Variants in LRRK1 observed in about 807,000 individuals in gnomAD.
The protein encoded by LRRK1 is leucine rich repeat kinase 1, also known as leucine-rich repeat serine/threonine-protein kinase 1.
LRRK1 carries 113 observed loss-of-function variants against 209.1 expected under a neutral mutation model. The observed-to-expected ratio is 0.54, with a 90% confidence interval of 0.46 to 0.63. The LOEUF is 0.63. LRRK1 is among the 30% of genes least tolerant of loss of function. The pLI, the probability that LRRK1 is intolerant of heterozygous loss-of-function variation, is 0.00. For synonymous variants in LRRK1, 1,144 were observed against 1,099.7 expected (o/e 1.04, Z -0.80); for missense variants, 2,284 against 2,632.2 (o/e 0.87, Z 2.89).
chr15:101,029,261 G>A, intron 20 of LRRK1, 29 bp downstream of exon 20: 1 of 1,582,622 alleles, frequency 6.3e-7, no homozygotes, highest in Non-Finnish European at 8.6e-7. Flanking sequence ...ACGCCAGGCT[G>A]TGCAGGTTGC....
At position 101,065,960 on chromosome 15, in the gene LRRK1, GTCCTCCTAC is replaced by G. The variant is rs751324328; in HGVS notation, c.5529_5537del (p.Tyr1844_Ser1846del). On this transcript the variant is annotated inframe_deletion, in exon 32 of 34. Transcript: ENST00000388948. The stretch of plus-strand genomic sequence containing the variant: ...AATCACTCACTGACTACTGCTCCAT[GTCCTCCTAC>G]TCCTCATCCCCACCCCGCCAGGCTG... 6.2e-7 allele frequency: 1 copy of G among 1,614,026 alleles called. No individual in the cohort carries two copies. Among genetic ancestry groups the G allele is most frequent in the African/African-American group, 1.3e-5 (1 of 74,936 alleles).
At position 101,048,546 on chromosome 15, in the gene LRRK1, A is replaced by C; in HGVS notation, c.3188A>C (p.Tyr1063Ser). 1 of 1,596,484 alleles carries C rather than the reference A, an allele frequency of 6.3e-7. No individual in the cohort carries two copies. Among genetic ancestry groups the C allele is most frequent in the Non-Finnish European group, 8.5e-7 (1 of 1,174,796 alleles). The change falls in exon 22 of 34, where the codon TAC (tyrosine) becomes TCC (serine). Residue 1063 changes from tyrosine to serine, a missense_variant. By Grantham distance (144) the Tyr-to-Ser change is moderately radical (BLOSUM62 -2). Coordinates refer to ENST00000388948, the MANE Select transcript of LRRK1 (RefSeq NM_024652.6). ...TKSRNRKVTI[Y>S]SFTGNQRNRC... ...AGCAGGAACAGGAAAGTCACCATTT[A>C]CAGTTTTACAGGAAACCAGAGAAAT...
Position 101,027,867 on chromosome 15 carries a change from C to A in LRRK1, c.2686+70C>A. The A allele has an allele frequency of 7.1e-7, 1 of 1,415,900 alleles. No homozygotes were observed. 87.7% of individuals were successfully genotyped at this position (1,415,900 alleles called of 1,614,324 possible). A position where few individuals can be genotyped will look rare whatever the true frequency, so the allele number is the denominator to read the frequency against. ...AACTGTCTGTACTTGCTAACTTCAG[C>A]TTGGCCTCAGTAATGAATGAGAGAC... On this transcript the variant is annotated intron_variant, in intron 19 of 33. Transcript: ENST00000388948. The surrounding 1 kb of genome is among the most constrained non-coding windows in gnomAD (Gnocchi z 5.1).
chr15:100,988,962 A>C (rs1237664701), intron 5 of LRRK1, 149 bp downstream of exon 5: 1 of 727,226 alleles, frequency 1.4e-6, no homozygotes, highest in Non-Finnish European at 2.2e-6. Flanking sequence ...TTCTTTTTCA[A>C]AATATCTGCA....
chr15:100,959,140 T>C (rs2042822193), intron 2 of LRRK1, among the ~76,000 whole-genome samples: 1 of 152,208 alleles, frequency 6.6e-6, no homozygotes, highest in African/African-American at 2.4e-5. Context: ...GAAGGCATCA[T>C]TCTCCTCCTC....
intron 31 of LRRK1, among the ~76,000 whole-genome samples, chr15:101,063,863 G>T (rs916280309): frequency 1.3e-5 from 2 of 151,570 alleles, no homozygotes; most frequent in African/African-American, 4.8e-5. Context: ...TATGACCATG[G>T]CCCCACAGCG....
Position 101,015,416 on chromosome 15 carries a change from G to T in LRRK1, c.1609+14G>T. The T allele has an allele frequency of 6.2e-7, 1 of 1,605,516 alleles. No individual in the cohort carries two copies. Among genetic ancestry groups the T allele is most frequent in the Non-Finnish European group, 8.5e-7 (1 of 1,174,064 alleles). On this transcript the variant is annotated intron_variant, in intron 12 of 33. Transcript: ENST00000388948. ...GGACTGAGGCAGGTGTGTGTGGGTTGGGAGACGGTGTTCCCAGATGAGACA... is the reference window on the plus strand; with the variant it reads ...GGACTGAGGCAGGTGTGTGTGGGTTTGGAGACGGTGTTCCCAGATGAGACA...
intron 17 of LRRK1, among the ~76,000 whole-genome samples, chr15:101,026,876 G>A (rs1426136774): frequency 2.0e-5 from 3 of 152,202 alleles, no homozygotes; most frequent in African/African-American, 7.2e-5. Context: ...GAGGCTGTCA[G>A]GAATTCCTGC....
chr15:101,015,189 C>T (rs372035094), intron 11 of LRRK1, 137 bp from the exon 12 acceptor site: 53 of 659,126 alleles, frequency 8.0e-5, no homozygotes, highest in African/African-American at 7.9e-4. Context: ...GCCACTGCAG[C>T]GTGCGCCCCT....
At chr15:101,029,287 G>T in intron 20 of LRRK1, 55 bp downstream of exon 20, 2 of 1,527,674 alleles carry the variant, frequency 1.3e-6, no homozygotes, top group East Asian at 4.6e-5. Flanking sequence ...GAAAGAGGGA[G>T]TTGGGGTCTG....
At chr15:100,937,576 C>T (rs8024317) in intron 2 of LRRK1, among the ~76,000 whole-genome samples, 53,478 of 151,516 alleles carry the variant, frequency 0.35, 11,876 homozygotes, top group African/African-American at 0.63. Context: ...ACTCTGTCCC[C>T]CAGGCTGGAG....
intron 2 of LRRK1, among the ~76,000 whole-genome samples, chr15:100,941,614 G>A (rs908407646): frequency 6.6e-6 from 1 of 152,106 alleles, no homozygotes; most frequent in Non-Finnish European, 1.5e-5. Context: ...GCTTGCGGGT[G>A]CCTGGGTGGA....
intron 2 of LRRK1, among the ~76,000 whole-genome samples, chr15:100,936,570 G>A (rs1259443982): frequency 6.6e-6 from 1 of 152,262 alleles, no homozygotes; most frequent in East Asian, 1.9e-4. Context: ...GGCATCTACT[G>A]GATAGGGCTG....
At chr15:101,011,241 G>T (rs1211132381) in intron 9 of LRRK1, among the ~76,000 whole-genome samples, 3 of 151,916 alleles carry the variant, frequency 2.0e-5, no homozygotes, top group Admixed American at 2.0e-4. Flanking sequence ...GGCCAAGGTA[G>T]GTGGATCACA....
chr15:101,064,112 G>T (rs2036375913), intron 31 of LRRK1, among the ~76,000 whole-genome samples: 1 of 152,278 alleles, frequency 6.6e-6, no homozygotes, highest in South Asian at 2.1e-4. Context: ...CCGGGACGTG[G>T]CACTCACCGC....
rs1444920941 is a variant in LRRK1, at chr15:101,071,165, CCTCTGGCGGGTGTAGAAGAG to C, written c.*2321_*2340del. On this transcript the variant is annotated 3_prime_UTR_variant, in exon 34 of 34. Coordinates refer to ENST00000388948, the MANE Select transcript of LRRK1 (RefSeq NM_024652.6). Reference sequence around the variant, plus strand: ...TGCAACTTTGGCCTCTGCCCAGTGACCTCTGGCGGGTGTAGAAGAGCTCATGCTTCAGTGAGGGGGTGGGG... The same window carrying C: ...TGCAACTTTGGCCTCTGCCCAGTGACCTCATGCTTCAGTGAGGGGGTGGGG... 1 of 152,340 alleles carries C rather than the reference CCTCTGGCGGGTGTAGAAGAG, an allele frequency of 6.6e-6. No individual in the cohort carries two copies. The highest frequency in any genetic ancestry group is 1.5e-5 in the Non-Finnish European group (1 of 68,150). The allele number at this position is 152,340 out of a possible 1,614,324, so 9.4% of individuals were successfully genotyped here. A position where few individuals can be genotyped will look rare whatever the true frequency, so the allele number is the denominator to read the frequency against.
At chr15:101,002,322 C>G (rs763525709) in intron 6 of LRRK1, among the ~76,000 whole-genome samples, 6 of 152,234 alleles carry the variant, frequency 3.9e-5, no homozygotes, top group Non-Finnish European at 8.8e-5. Context: ...CTTAAATACA[C>G]CTAATCCTTC....
At chr15:101,012,776 G>C (rs924860653) in intron 10 of LRRK1, among the ~76,000 whole-genome samples, 3 of 152,218 alleles carry the variant, frequency 2.0e-5, no homozygotes, top group Non-Finnish European at 4.4e-5. Context: ...GGCCCCTTCA[G>C]CATGTGTATC....
chr15:100,959,481 A>G (rs149111603), intron 2 of LRRK1, among the ~76,000 whole-genome samples: 128 of 152,260 alleles, frequency 8.4e-4, no homozygotes, highest in African/African-American at 3.0e-3. Context: ...GCTAGGCTAG[A>G]AGGAGGAGAA....
Sources: allele counts gnomAD v4.1 joint callset (sites outside exome capture counted in the v4.1 genomes callset), GRCh38; gene constraint gnomAD v4.1.1; non-coding constraint Gnocchi (gnomAD v3.1); transcripts MANE v1.5; gene names NCBI Gene and HGNC (gene_info 2026-07-23, HGNC 2026-07-21).